HECW2: variants seen among roughly 807,000 people sequenced by gnomAD.
HECW2 encodes HECT, C2 and WW domain containing E3 ubiquitin protein ligase 2, also known as E3 ubiquitin-protein ligase HECW2.
In HECW2, 61 loss-of-function variants were observed where a neutral mutation model predicts 175.2. That is an observed-to-expected ratio of 0.35 (90% CI 0.28 to 0.43). The LOEUF is 0.43. HECW2 is among the 20% of genes least tolerant of loss of function. HECW2 has a pLI of 1.00. For synonymous variants in HECW2, 671 were observed against 731.0 expected (o/e 0.92, Z 1.32); for missense variants, 1,524 against 2,000.5 (o/e 0.76, Z 4.54).
At chr2:196,418,571 A>G (rs1695322743) in intron 2 of HECW2, among the ~76,000 whole-genome samples, 1 of 152,224 alleles carries the variant, frequency 6.6e-6, no homozygotes, top group African/African-American at 2.4e-5. Flanking sequence ...ACAAGTTATA[A>G]CTTTCAGGAA....
In HECW2 at chr2:196,500,654, G is replaced by A. The variant is rs114942617; in HGVS notation, c.-35-67196C>T. On this transcript the variant is annotated intron_variant, in intron 1 of 28. Transcript: ENST00000644978. ...ACCACTTTACCATTTAATTCCTTAC[G>A]TTGAATAACCTATGCATTAATAAAA... is the stretch of plus-strand genomic sequence containing the variant. Among the ~76,000 whole-genome samples, 1,317 of 152,154 alleles carry A rather than the reference G, an allele frequency of 8.7e-3. 19 individuals carry two copies. The highest frequency in any genetic ancestry group is 0.029 in the African/African-American group (1,209 of 41,498).
At chr2:196,443,900 T>C (rs534432835) in intron 1 of HECW2, among the ~76,000 whole-genome samples, 8 of 152,290 alleles carry the variant, frequency 5.3e-5, no homozygotes, top group African/African-American at 7.2e-5. Flanking sequence ...CTGGGCATGG[T>C]GGCGTGCGCC....
rs1686839261 is a variant in HECW2 at position 196,201,044 on chromosome 2, C to T, written c.*233G>A. On this transcript the variant is annotated 3_prime_UTR_variant, in exon 29 of 29. Coordinates refer to ENST00000644978, the MANE Select transcript of HECW2 (RefSeq NM_001348768.2). ...ATGGAAAAAGTTTGGCAGTCAAGAACTGTTGATTGAAAGACGGTTGGGTTG... is the reference window on the plus strand; with the variant it reads ...ATGGAAAAAGTTTGGCAGTCAAGAATTGTTGATTGAAAGACGGTTGGGTTG... The T allele has an allele frequency of 4.5e-6, 2 of 444,936 alleles. No individual in the cohort carries two copies. Among genetic ancestry groups the T allele is most frequent in the Non-Finnish European group, 8.3e-6 (2 of 239,616 alleles). The allele number at this position is 444,936 out of a possible 1,614,324, so 27.6% of individuals were successfully genotyped here.
Position 196,201,078 on chromosome 2 carries a change from G to T in HECW2, c.*199C>A, listed in dbSNP as rs987351937. On this transcript the variant is annotated 3_prime_UTR_variant, in exon 29 of 29. Coordinates refer to ENST00000644978, the MANE Select transcript of HECW2 (RefSeq NM_001348768.2). ...GAAAGACGGTTGGGTTGTTCCCTGG[G>T]CATCAAGCTCACCCAAATCCTTCCA... 4 of 529,320 alleles carry T rather than the reference G, an allele frequency of 7.6e-6. No individual in the cohort carries two copies. Among genetic ancestry groups the T allele is most frequent in the African/African-American group, 5.7e-5 (3 of 52,334 alleles). 32.8% of individuals were successfully genotyped at this position (529,320 alleles called of 1,614,324 possible). A position where few individuals can be genotyped will look rare whatever the true frequency, so the allele number is the denominator to read the frequency against.
At chr2:196,500,258 T>A (rs926868841) in intron 1 of HECW2, among the ~76,000 whole-genome samples, 2 of 152,136 alleles carry the variant, frequency 1.3e-5, no homozygotes, top group African/African-American at 4.8e-5. Flanking sequence ...AATATCAATG[T>A]TTTGCTTTTA....
chr2:196,213,154 G>C (rs1424337056), intron 28 of HECW2, among the ~76,000 whole-genome samples: 1 of 152,160 alleles, frequency 6.6e-6, no homozygotes, highest in Non-Finnish European at 1.5e-5. Flanking sequence ...CAATGAAGAA[G>C]TTGCTTCTCA....
intron 1 of HECW2, among the ~76,000 whole-genome samples, chr2:196,521,009 C>T (rs1212252966): frequency 6.6e-6 from 1 of 152,082 alleles, no homozygotes; most frequent in African/African-American, 2.4e-5. Context: ...AACCCAGCAG[C>T]CTTGTGGCAT....
At chr2:196,457,652 C>G (rs749783816) in intron 1 of HECW2, among the ~76,000 whole-genome samples, 1 of 152,076 alleles carries the variant, frequency 6.6e-6, no homozygotes, top group African/African-American at 2.4e-5. Flanking sequence ...CACACTGGTC[C>G]TTTATATTCC....
At chr2:196,460,197 G>A (rs1014077286) in intron 1 of HECW2, among the ~76,000 whole-genome samples, 1 of 152,160 alleles carries the variant, frequency 6.6e-6, no homozygotes, top group Non-Finnish European at 1.5e-5. Flanking sequence ...AGAAAACCAA[G>A]GAGTCAGACT....
intron 1 of HECW2, among the ~76,000 whole-genome samples, chr2:196,527,275 A>G (rs980260088): frequency 1.3e-5 from 2 of 152,232 alleles, no homozygotes; most frequent in Non-Finnish European, 2.9e-5. Flanking sequence ...TTTGACTCGG[A>G]AAGGGAACTC....
chr2:196,548,234 G>A (rs1336843476), intron 1 of HECW2, among the ~76,000 whole-genome samples: 1 of 151,780 alleles, frequency 6.6e-6, no homozygotes, highest in Non-Finnish European at 1.5e-5. Context: ...GGAGGCTGAG[G>A]CAGGAGAATT....
chr2:196,226,975 C>A (rs1559448489), intron 22 of HECW2, among the ~76,000 whole-genome samples: 5 of 152,152 alleles, frequency 3.3e-5, no homozygotes, highest in Admixed American at 1.3e-4. Flanking sequence ...CAAAAGGATT[C>A]AAGTTTCTAG....
intron 1 of HECW2, among the ~76,000 whole-genome samples, chr2:196,512,987 T>C (rs569947976): frequency 1.2e-4 from 18 of 152,254 alleles, no homozygotes; most frequent in Admixed American, 5.9e-4. Flanking sequence ...CCACCATGCC[T>C]AGCTGATTTT....
At chr2:196,285,950 T>C (rs1055499788) in intron 14 of HECW2, among the ~76,000 whole-genome samples, 5 of 152,250 alleles carry the variant, frequency 3.3e-5, no homozygotes, top group Admixed American at 6.5e-5. Flanking sequence ...GGTTAGTAGA[T>C]GTGGACAAGC....
intron 2 of HECW2, among the ~76,000 whole-genome samples, chr2:196,367,839 C>A (rs932291781): frequency 2.5e-4 from 37 of 148,652 alleles, no homozygotes; most frequent in Admixed American, 1.5e-3. Context: ...TTTTTCATGG[C>A]CGAATAGTAC....
In HECW2 at chr2:196,495,402, AGAG is replaced by A. The variant is rs1178325609; in HGVS notation, c.-35-61947_-35-61945del. ...TACTAGAAACCCTGTGAGCTGGGGGAGAGGAGGAGGATGAGATATGTAACATAA... is the reference window on the plus strand; with the variant it reads ...TACTAGAAACCCTGTGAGCTGGGGGAGAGGAGGATGAGATATGTAACATAA... On this transcript the variant is annotated intron_variant, in intron 1 of 28. Coordinates refer to ENST00000644978, the MANE Select transcript of HECW2 (RefSeq NM_001348768.2). 5.3e-5 allele frequency among the ~76,000 whole-genome samples: 8 copies of A among 152,026 alleles called. No individual in the cohort carries two copies. The East Asian group carries it at 1.5e-3, about 29-fold the overall frequency.
At chr2:196,256,744 C>T (rs1426008141) in intron 18 of HECW2, among the ~76,000 whole-genome samples, 3 of 152,200 alleles carry the variant, frequency 2.0e-5, no homozygotes. Flanking sequence ...TTCCTGACCA[C>T]CTAGCATACT....
chr2:196,322,738 T>C (rs999761858), intron 6 of HECW2, 118 bp from the exon 7 acceptor site: 9 of 771,686 alleles, frequency 1.2e-5, no homozygotes, highest in Non-Finnish European at 1.8e-5. Context: ...GAGTTCCACA[T>C]AGCTAGAAAT....
intron 24 of HECW2, 82 bp downstream of exon 24, chr2:196,222,129 A>G: frequency 7.8e-7 from 1 of 1,282,542 alleles, no homozygotes; most frequent in Middle Eastern, 1.9e-4. Flanking sequence ...TAAGCATCTG[A>G]TCTTAGCCAT....
Sources: allele counts gnomAD v4.1 joint callset (sites outside exome capture counted in the v4.1 genomes callset), GRCh38; gene constraint gnomAD v4.1.1; transcripts MANE v1.5; gene names NCBI Gene and HGNC (gene_info 2026-07-23, HGNC 2026-07-21).